Variants in DAB1 observed in about 807,000 individuals in gnomAD.
DAB1 encodes the protein DAB adaptor protein 1.
In DAB1, 15 loss-of-function variants were observed where a neutral mutation model predicts 64.6. The observed-to-expected ratio is 0.23, with a 90% CI of 0.16 to 0.36. The LOEUF is 0.36. Ranked by LOEUF, DAB1 falls within the 10% of genes least tolerant of loss-of-function variation. The probability of loss-of-function intolerance (pLI) is 1.00; values close to 1 mark genes in which losing one functional copy is unlikely to be tolerated. For missense variants in DAB1, 596 were observed against 706.7 expected, an observed-to-expected ratio of 0.84 and a Z score of 1.78; for synonymous variants, 235 against 251.9, an observed-to-expected ratio of 0.93 and a Z score of 0.64.
At chr1:58,151,154 T>C (rs1055467481) in intron 4 of DAB1, among the ~76,000 whole-genome samples, 6 of 152,158 alleles carry the variant, frequency 3.9e-5, no homozygotes, top group Admixed American at 6.5e-5. Flanking sequence ...AATAAACATA[T>C]GTGTGCATGT....
intron 3 of DAB1, among the ~76,000 whole-genome samples, chr1:58,505,452 A>C (rs1293855089): frequency 6.6e-6 from 1 of 152,200 alleles, no homozygotes; most frequent in African/African-American, 2.4e-5. Flanking sequence ...AATGATGTCA[A>C]CAAATCAAAA....
At chr1:58,179,112 G>A (rs1656644272) in intron 4 of DAB1, among the ~76,000 whole-genome samples, 1 of 151,528 alleles carries the variant, frequency 6.6e-6, no homozygotes, top group African/African-American at 2.4e-5. Flanking sequence ...GTCCTTTAAT[G>A]TATTAATATG....
chr1:57,628,952 C>G (rs1417396765), intron 7 of DAB1, among the ~76,000 whole-genome samples: 1 of 152,212 alleles, frequency 6.6e-6, no homozygotes, highest in African/African-American at 2.4e-5. Context: ...CAGTGCTATT[C>G]CAAGCATTGA....
chr1:57,046,266 C>A (rs1437313583), intron 9 of DAB1, among the ~76,000 whole-genome samples: 1 of 152,202 alleles, frequency 6.6e-6, no homozygotes, highest in Non-Finnish European at 1.5e-5. Flanking sequence ...GCTTGCCAAG[C>A]ACTAAGCACA....
intron 5 of DAB1, among the ~76,000 whole-genome samples, chr1:58,113,930 G>C (rs1187184260): frequency 1.3e-5 from 2 of 151,974 alleles, no homozygotes; most frequent in Non-Finnish European, 2.9e-5. Context: ...CCCAAAGTGA[G>C]AGACACAAGA....
intron 7 of DAB1, among the ~76,000 whole-genome samples, chr1:57,507,085 G>A (rs1644352692): frequency 6.6e-6 from 1 of 152,120 alleles, no homozygotes; most frequent in Non-Finnish European, 1.5e-5. Flanking sequence ...TAGCCCCACT[G>A]CTAAAAAACG....
chr1:58,492,953 G>C (rs1645725266), intron 3 of DAB1, among the ~76,000 whole-genome samples: 1 of 152,012 alleles, frequency 6.6e-6, no homozygotes, highest in African/African-American at 2.4e-5. Flanking sequence ...GCCTGGCAGA[G>C]ACACAACAAA....
chr1:57,918,108 T>TAAATAAATAA (rs1557555257), intron 5 of DAB1, among the ~76,000 whole-genome samples: 1 of 126,096 alleles, frequency 7.9e-6, no homozygotes, highest in East Asian at 2.5e-4. Context: ...TAAATAAATA[T>TAAATAAATAA]AAAAATATGA....
At chr1:57,452,270 C>T (rs1686412281) in intron 7 of DAB1, among the ~76,000 whole-genome samples, 1 of 139,696 alleles carries the variant, frequency 7.2e-6, no homozygotes, top group East Asian at 2.3e-4. Flanking sequence ...TAAAATTAAT[C>T]TTCTCCTGTC....
At chr1:58,517,949 G>A (rs931441791) in intron 2 of DAB1, among the ~76,000 whole-genome samples, 2 of 151,618 alleles carry the variant, frequency 1.3e-5, no homozygotes, top group African/African-American at 4.8e-5. Flanking sequence ...CACTTTAGGA[G>A]GCCAAAGTGG....
At chr1:57,231,357 T>C (rs2100430927) in intron 2 of DAB1, among the ~76,000 whole-genome samples, 1 of 152,310 alleles carries the variant, frequency 6.6e-6, no homozygotes, top group Admixed American at 6.5e-5. Flanking sequence ...CTATACTGTA[T>C]TGTTACTTAC....
chr1:57,259,405 G>T (rs1670009213), intron 2 of DAB1, among the ~76,000 whole-genome samples: 1 of 152,188 alleles, frequency 6.6e-6, no homozygotes, highest in Non-Finnish European at 1.5e-5. Flanking sequence ...AGATTGGCTG[G>T]CTGGTCAGGG....
At chr1:58,270,356 G>A in intron 4 of DAB1, among the ~76,000 whole-genome samples, 1 of 145,158 alleles carries the variant, frequency 6.9e-6, no homozygotes, top group Non-Finnish European at 1.5e-5. Flanking sequence ...TATTTCTGAG[G>A]GCTCTGTTCT....
intron 7 of DAB1, among the ~76,000 whole-genome samples, chr1:57,611,062 C>T (rs1056782697): frequency 2.0e-5 from 3 of 151,238 alleles, no homozygotes; most frequent in Non-Finnish European, 2.9e-5. Context: ...TGCTTTTGCA[C>T]TAGAATAAAT....
chr1:58,459,339 C>A (rs1645221215), intron 3 of DAB1, among the ~76,000 whole-genome samples: 1 of 152,208 alleles, frequency 6.6e-6, no homozygotes, highest in Admixed American at 6.5e-5. Context: ...TGCAAGGTTG[C>A]AAAATAACTG....
At chr1:57,224,280 C>A (rs1667098725) in intron 2 of DAB1, among the ~76,000 whole-genome samples, 1 of 152,004 alleles carries the variant, frequency 6.6e-6, no homozygotes, top group Non-Finnish European at 1.5e-5. Flanking sequence ...GATTTGAGCC[C>A]TTAATTAATC....
rs1644337135 is a variant in DAB1, at chr1:57,505,833, A to G, written n.625+143759T>C. On this transcript the variant is annotated intron_variant and non_coding_transcript_variant, in intron 7 of 20. Transcript: ENST00000485760. ...CTACAGGTGCATGCCACCACACCTG[A>G]CAAATTTTTGTATTTTTTGTAGTGA... 2.6e-5 allele frequency among the ~76,000 whole-genome samples: 4 copies of G among 151,900 alleles called. No homozygotes were observed. The South Asian group carries it at 8.3e-4, about 32-fold the overall frequency.
chr1:58,540,175 TAGAG>T (rs1646584414), intron 1 of DAB1, among the ~76,000 whole-genome samples: 1 of 151,796 alleles, frequency 6.6e-6, no homozygotes, highest in African/African-American at 2.4e-5. Flanking sequence ...GCCTCAACAT[TAGAG>T]AAAGATTAGT....
At chr1:57,332,860 T>C (rs1037654170) in intron 1 of DAB1, among the ~76,000 whole-genome samples, 4 of 152,226 alleles carry the variant, frequency 2.6e-5, no homozygotes, top group African/African-American at 9.6e-5. Flanking sequence ...CTGTTTAATC[T>C]GACCTGTCTG....
Sources: allele counts gnomAD v4.1 joint callset (sites outside exome capture counted in the v4.1 genomes callset), GRCh38; gene constraint gnomAD v4.1.1; transcripts MANE v1.5; gene names NCBI Gene and HGNC (gene_info 2026-07-23, HGNC 2026-07-21).